TENM3: variants seen among roughly 807,000 people sequenced by gnomAD.
The protein encoded by TENM3 is teneurin-3.
In TENM3, 63 loss-of-function variants were observed where a neutral mutation model predicts 255.1. The ratio of observed to expected loss-of-function variants is 0.25; its 90% CI spans 0.20 to 0.30. The LOEUF is 0.30. TENM3 is among the 10% of genes least tolerant of loss of function. The pLI is 1.00. For missense variants in TENM3, 2,929 were observed against 3,461.1 expected, an observed-to-expected ratio of 0.85 and a Z score of 3.86; for synonymous variants, 1,306 against 1,322.3, an observed-to-expected ratio of 0.99 and a Z score of 0.27.
chr4:181,685,605 C>T, the TENM3 span, among the ~76,000 whole-genome samples: 2 of 152,216 alleles, frequency 1.3e-5, no homozygotes, highest in South Asian at 4.1e-4. Context: ...GAGAGCATTG[C>T]GTGAAAAGAT....
At chr4:182,144,417 G>GC (rs1271682160), upstream of TENM3, 1 of 152,366 alleles carries the variant, frequency 6.6e-6, no homozygotes, top group African/African-American at 2.4e-5. Context: ...CTCCGGCCCG[G>GC]CCTGGTCCGC....
intron 3 of TENM3, among the ~76,000 whole-genome samples, chr4:182,560,434 C>T (rs930814277): frequency 1.3e-5 from 2 of 152,168 alleles, no homozygotes; most frequent in South Asian, 4.1e-4. Context: ...CTCAGTGCCC[C>T]CTCTACTGCT....
At chr4:181,579,512 T>C in the TENM3 span, among the ~76,000 whole-genome samples, 1 of 152,224 alleles carries the variant, frequency 6.6e-6, no homozygotes. Flanking sequence ...GGCAATAGGA[T>C]GGGAAGGTTG....
At chr4:181,674,922 T>G in the TENM3 span, among the ~76,000 whole-genome samples, 1 of 152,298 alleles carries the variant, frequency 6.6e-6, no homozygotes, top group South Asian at 2.1e-4. Flanking sequence ...CACTCAAAAG[T>G]TGAATTACAA....
chr4:181,838,188 A>G, the TENM3 span, among the ~76,000 whole-genome samples: 1 of 152,050 alleles, frequency 6.6e-6, no homozygotes, highest in Non-Finnish European at 1.5e-5. Context: ...AGAAAACCTT[A>G]GAAGCCTCTA....
At chr4:181,523,141 C>CTG in the TENM3 span, 4 of 382,764 alleles carry the variant, frequency 1.0e-5, no homozygotes, top group East Asian at 2.2e-4. Flanking sequence ...CTAGTGAAGC[C>CTG]TGTACTCAAT....
At chr4:181,971,445 A>C in the TENM3 span, among the ~76,000 whole-genome samples, 1 of 152,234 alleles carries the variant, frequency 6.6e-6, no homozygotes, top group Non-Finnish European at 1.5e-5. Flanking sequence ...AAATCTAGAA[A>C]AATTCATGGC....
chr4:181,669,155 C>T, the TENM3 span, among the ~76,000 whole-genome samples: 2 of 152,126 alleles, frequency 1.3e-5, no homozygotes, highest in South Asian at 4.1e-4. Context: ...GCTTAAATCC[C>T]TCAACTTGCC....
Position 182,217,757 on chromosome 4 carries a change from A to C in TENM3, c.-76+73003A>C, listed in dbSNP as rs76671599. ...CTTTGAACCTGTGCACAATATGACTATTGCTATTTTGTGATATTATTTGAG... is the reference window on the plus strand; with the variant it reads ...CTTTGAACCTGTGCACAATATGACTCTTGCTATTTTGTGATATTATTTGAG... On this transcript the variant is annotated intron_variant, in intron 1 of 2. Transcript: ENST00000512480. Among the ~76,000 whole-genome samples the C allele has an allele frequency of 1.9e-3, 289 of 152,236 alleles. 2 individuals carry two copies. The highest frequency in any genetic ancestry group is 6.3e-3 in the African/African-American group (262 of 41,546).
chr4:182,030,432 A>C, the TENM3 span, among the ~76,000 whole-genome samples: 1 of 152,138 alleles, frequency 6.6e-6, no homozygotes. Flanking sequence ...TCATGACTCC[A>C]TAGAATTCCA....
intron 3 of TENM3, chr4:182,548,640 C>T (rs1741696925): frequency 6.6e-6 from 1 of 152,204 alleles, no homozygotes; most frequent in South Asian, 2.1e-4. Flanking sequence ...ATACTTACAA[C>T]AGACATCAAT....
At chr4:182,739,438 C>T (rs368457010) in intron 18 of TENM3, among the ~76,000 whole-genome samples, 22 of 152,276 alleles carry the variant, frequency 1.4e-4, no homozygotes, top group African/African-American at 4.6e-4. Context: ...TATACTTTAG[C>T]ATCCTGTCCT....
intron 1 of TENM3, among the ~76,000 whole-genome samples, chr4:182,257,164 C>T (rs2150142322): frequency 6.6e-6 from 1 of 152,268 alleles, no homozygotes; most frequent in African/African-American, 2.4e-5. Context: ...TTTCATAGAT[C>T]TGGGGTGGGG....
At position 182,394,676 on chromosome 4, in the gene TENM3, T is replaced by C. The variant is rs79792898; in HGVS notation, c.511+47747T>C. Among the ~76,000 whole-genome samples the C allele has an allele frequency of 3.6e-3, 541 of 152,296 alleles. 1 individual carries two copies. Among genetic ancestry groups the C allele is most frequent in the African/African-American group, 0.013 (522 of 41,570 alleles). ...CATCCTTTCCACAGTTGCTTGAAAA[T>C]GTAGTCTAGAGAATCAAATTGATTT... On this transcript the variant is annotated intron_variant, in intron 3 of 27. Transcript: ENST00000511685.
At chr4:181,805,292 G>C in the TENM3 span, among the ~76,000 whole-genome samples, 3 of 151,914 alleles carry the variant, frequency 2.0e-5, no homozygotes, top group African/African-American at 7.2e-5. Context: ...TCTCCCCTGT[G>C]ACCCGTCCAC....
intron 2 of TENM3, among the ~76,000 whole-genome samples, chr4:182,343,829 G>A (rs557350526): frequency 2.6e-5 from 4 of 152,276 alleles, no homozygotes; most frequent in African/African-American, 9.6e-5. Context: ...TTCCAGGGGT[G>A]TTTGCATTAA....
At chr4:181,758,244 A>G in the TENM3 span, among the ~76,000 whole-genome samples, 63,187 of 152,098 alleles carry the variant, frequency 0.42, 13,304 homozygotes, top group African/African-American at 0.49. Context: ...TGTATGGGAT[A>G]AAGGACAGAA....
intron 1 of TENM3, among the ~76,000 whole-genome samples, chr4:182,229,428 C>A (rs2150005663): frequency 6.6e-6 from 1 of 152,204 alleles, no homozygotes; most frequent in Non-Finnish European, 1.5e-5. Context: ...GAAAGAGTAA[C>A]ATAATACCTT....
At chr4:181,836,237 A>T in the TENM3 span, among the ~76,000 whole-genome samples, 2 of 151,100 alleles carry the variant, frequency 1.3e-5, no homozygotes, top group Admixed American at 1.3e-4. Context: ...TCTCTGGGTA[A>T]TAGGAATTCT....
Sources: gnomAD v4.1 joint callset for allele counts (sites outside exome capture counted in the v4.1 genomes callset) on GRCh38, gnomAD v4.1.1 for gene constraint, MANE v1.5 for transcripts, NCBI Gene and HGNC (gene_info 2026-07-23, HGNC 2026-07-21) for gene names.